The following DIAPH2 variants were observed in gnomAD, a reference collection of about 807,000 sequenced individuals.
DIAPH2 encodes diaphanous related formin 2, also known as protein diaphanous homolog 2.
In DIAPH2, 35 loss-of-function variants were observed where a neutral mutation model predicts 92.7. That is an observed-to-expected ratio of 0.38 (90% CI 0.29 to 0.50). The LOEUF (loss-of-function observed/expected upper bound fraction) is 0.50, where lower values mean the gene tolerates loss of function less well. Ranked by LOEUF, DIAPH2 falls within the 20% of genes least tolerant of loss-of-function variation. The pLI, the probability that DIAPH2 is intolerant of heterozygous loss-of-function variation, is 0.94. For synonymous variants in DIAPH2, 301 were observed against 280.4 expected (o/e 1.07, Z -0.73); for missense variants, 701 against 819.5 (o/e 0.86, Z 1.77).
intron 25 of DIAPH2, among the ~76,000 whole-genome samples, chrX:97,401,968 G>A (rs1195829498): frequency 8.9e-6 from 1 of 112,589 alleles, no homozygotes; most frequent in Non-Finnish European, 1.9e-5. Context: ...ATTTGCAAAT[G>A]AGAGGCTTGT....
In DIAPH2 at chrX:97,524,947, A is replaced by G. The variant is rs1029498839; in HGVS notation, c.3242-74306A>G. Among the ~76,000 whole-genome samples, 12 of 112,171 alleles carry G rather than the reference A, an allele frequency of 1.1e-4. No homozygotes were observed. In the East Asian group the frequency reaches 3.1e-3, roughly 29 times the overall value. ...AATGAAATGCCTGCTGGACAATTCTACCTAGATGTTCAATAGGCACCTTCA... is the reference window on the plus strand; with the variant it reads ...AATGAAATGCCTGCTGGACAATTCTGCCTAGATGTTCAATAGGCACCTTCA... On this transcript the variant is annotated intron_variant, in intron 26 of 26. Transcript: ENST00000324765.
chrX:97,358,815 C>T (rs1323692732), intron 24 of DIAPH2, among the ~76,000 whole-genome samples: 1 of 111,564 alleles, frequency 9.0e-6, no homozygotes. Context: ...AATATTAATA[C>T]CTCGGTACAT....
At chrX:97,325,337 GGA>G (rs929287920) in intron 23 of DIAPH2, among the ~76,000 whole-genome samples, 1 of 111,152 alleles carries the variant, frequency 9.0e-6, no homozygotes, top group Non-Finnish European at 1.9e-5. Context: ...TATTGCTCAA[GGA>G]GAGAAAATAC....
intron 25 of DIAPH2, among the ~76,000 whole-genome samples, chrX:97,427,201 C>A (rs1016406879): frequency 1.8e-5 from 2 of 110,758 alleles, no homozygotes; most frequent in African/African-American, 6.6e-5. Context: ...TCAATTTTAC[C>A]TTTTTTTATT....
Position 96,919,890 on chromosome X carries a change from T to C in DIAPH2, c.978+1273T>C, listed in dbSNP as rs532899990. ...TTATTTATTTATTTATTTATTTATT[T>C]ATTTATTTATTAAGATGGAGTCTCA... On this transcript the variant is annotated intron_variant, in intron 9 of 26. Coordinates refer to ENST00000324765, the MANE Select transcript of DIAPH2 (RefSeq NM_006729.5). 3.7e-5 allele frequency among the ~76,000 whole-genome samples: 4 copies of C among 108,458 alleles called. No individual in the cohort carries two copies. The South Asian group carries it at 1.6e-3, about 43-fold the overall frequency. The allele number at this position is 108,458 out of a possible 115,157, so 94.2% of individuals were successfully genotyped here.
intron 17 of DIAPH2, among the ~76,000 whole-genome samples, chrX:97,065,262 A>G (rs2066626557): frequency 8.9e-6 from 1 of 111,914 alleles, no homozygotes; most frequent in South Asian, 3.8e-4. Flanking sequence ...AAAGCCAGAG[A>G]CAACCAGTGG....
chrX:97,127,804 C>T lies in DIAPH2; in HGVS notation c.2589+12839C>T, dbSNP rs563376526. Reference sequence around the variant, plus strand: ...GGCAGATCACTTGAGCTCAGGAGTTCGAGACTGGCCTAGGCAACATGGCGA... The same window carrying T: ...GGCAGATCACTTGAGCTCAGGAGTTTGAGACTGGCCTAGGCAACATGGCGA... On this transcript the variant is annotated intron_variant, in intron 21 of 26. Transcript: ENST00000324765. Among the ~76,000 whole-genome samples the T allele has an allele frequency of 4.9e-4, 55 of 111,974 alleles. No homozygotes were observed. In the Middle Eastern group the frequency reaches 0.019, roughly 39 times the overall value.
intron 1 of DIAPH2, among the ~76,000 whole-genome samples, chrX:96,716,407 A>G (rs2063950658): frequency 9.0e-6 from 1 of 111,470 alleles, no homozygotes; most frequent in Admixed American, 9.5e-5. Context: ...TCCTTATATT[A>G]TTTTCATACC....
At chrX:96,727,072 C>T (rs1477202891) in intron 1 of DIAPH2, among the ~76,000 whole-genome samples, 1 of 112,023 alleles carries the variant, frequency 8.9e-6, no homozygotes, top group South Asian at 3.7e-4. Flanking sequence ...TTCTTAAGGC[C>T]GTATAGGTAC....
chrX:96,731,798 G>A (rs1442460431), intron 1 of DIAPH2, among the ~76,000 whole-genome samples: 1 of 111,292 alleles, frequency 9.0e-6, no homozygotes, highest in Non-Finnish European at 1.9e-5. Context: ...CATAAATGAA[G>A]TTTAATAAAC....
At chrX:97,010,155 T>C (rs895334803) in intron 17 of DIAPH2, among the ~76,000 whole-genome samples, 1 of 112,067 alleles carries the variant, frequency 8.9e-6, no homozygotes, top group African/African-American at 3.2e-5. Context: ...TTAGGGCTTA[T>C]CTAAATGTTC....
At chrX:97,545,533 A>AAATATATATAT (rs1260118151) in intron 26 of DIAPH2, among the ~76,000 whole-genome samples, 3 of 79,358 alleles carry the variant, frequency 3.8e-5, no homozygotes, top group African/African-American at 1.5e-4. Flanking sequence ...AAAAAAAAAA[A>AAATATATATAT]ATATATATAT....
intron 26 of DIAPH2, among the ~76,000 whole-genome samples, chrX:97,563,038 AT>A (rs764686013): frequency 2.7e-5 from 3 of 111,997 alleles, no homozygotes; most frequent in Admixed American, 9.5e-5. Context: ...CTGCTAATTG[AT>A]TTTTTTTCTG....
At chrX:97,186,703 A>G (rs2067607245) in intron 22 of DIAPH2, among the ~76,000 whole-genome samples, 1 of 112,253 alleles carries the variant, frequency 8.9e-6, no homozygotes, top group African/African-American at 3.2e-5. Context: ...AGGAAGAAAC[A>G]GGGAAGGTAT....
At chrX:96,758,104 C>A in intron 3 of DIAPH2, 50 bp from the exon 4 acceptor site, 1 of 1,023,599 alleles carries the variant, frequency 9.8e-7, no homozygotes, top group Non-Finnish European at 1.3e-6. Context: ...ACTTTTGAAG[C>A]TCTTAAGTGG....
intron 26 of DIAPH2, among the ~76,000 whole-genome samples, chrX:97,582,399 G>A (rs1379568991): frequency 1.1e-5 from 1 of 92,168 alleles, no homozygotes; most frequent in Non-Finnish European, 2.1e-5. Flanking sequence ...TTGCTTGTCT[G>A]TAAAGTATTT....
intron 26 of DIAPH2, among the ~76,000 whole-genome samples, chrX:97,454,697 T>TA (rs1280239825): frequency 9.2e-6 from 1 of 108,911 alleles, no homozygotes; most frequent in Admixed American, 9.8e-5. Flanking sequence ...CTACTAAAAA[T>TA]AAAAAAAATT....
intron 24 of DIAPH2, among the ~76,000 whole-genome samples, chrX:97,361,786 C>CT (rs952163063): frequency 2.7e-5 from 3 of 111,276 alleles, no homozygotes; most frequent in African/African-American, 6.5e-5. Flanking sequence ...CTCTATGAAG[C>CT]TTTTTTTTCA....
intron 4 of DIAPH2, among the ~76,000 whole-genome samples, chrX:96,758,761 A>G (rs910837434): frequency 1.8e-5 from 2 of 111,580 alleles, no homozygotes; most frequent in Non-Finnish European, 3.8e-5. Context: ...TTGCTATTGT[A>G]TAGCTTCATT....
Sources: allele counts gnomAD v4.1 joint callset (sites outside exome capture counted in the v4.1 genomes callset), GRCh38; gene constraint gnomAD v4.1.1; transcripts MANE v1.5; gene names NCBI Gene and HGNC (gene_info 2026-07-23, HGNC 2026-07-21).